Variants in XPR1 observed in about 807,000 individuals in gnomAD.
The protein encoded by XPR1 is xenotropic and polytropic retrovirus receptor 1.
Under a neutral mutation model 87.5 loss-of-function variants are expected in XPR1, and 28 were observed. The ratio of observed to expected loss-of-function variants is 0.32; its 90% CI spans 0.24 to 0.44. XPR1 has a LOEUF of 0.44. Among genes scored for constraint, XPR1 ranks in the 20% least tolerant of loss-of-function variants. The pLI is 1.00. For synonymous variants in XPR1, 300 were observed against 306.1 expected (o/e 0.98, Z 0.21); for missense variants, 559 against 862.3 (o/e 0.65, Z 4.41).
chr1:180,689,298 G>T (rs1277526680), intron 2 of XPR1, among the ~76,000 whole-genome samples: 1 of 152,052 alleles, frequency 6.6e-6, no homozygotes, highest in East Asian at 1.9e-4. Flanking sequence ...TTTAAAAAAT[G>T]ACTTTGCATT....
chr1:180,639,850 G>A, intron 1 of XPR1, among the ~76,000 whole-genome samples: 1 of 152,154 alleles, frequency 6.6e-6, no homozygotes, highest in Non-Finnish European at 1.5e-5. Flanking sequence ...GAGGATAAAG[G>A]AGTTCCCTGG....
rs374607880 is a variant in XPR1 at position 180,741,575 on chromosome 1, T to C, written c.122-46178T>C. On this transcript the variant is annotated intron_variant, in intron 2 of 14. Coordinates refer to ENST00000367590, the MANE Select transcript of XPR1 (RefSeq NM_004736.4). ...ATCTTGACTCACTGCAACCTCCGCC[T>C]CCTGGGTTCAAGTGATTCTCCTGCC... 1.1e-4 allele frequency among the ~76,000 whole-genome samples: 16 copies of C among 152,216 alleles called. No individual in the cohort carries two copies. The East Asian group carries it at 2.5e-3, about 24-fold the overall frequency.
At chr1:180,704,563 T>C (rs565511773) in intron 2 of XPR1, among the ~76,000 whole-genome samples, 3 of 151,528 alleles carry the variant, frequency 2.0e-5, no homozygotes, top group Admixed American at 1.3e-4. Context: ...ATTTTAAGTG[T>C]CTTATTCAAT....
chr1:180,779,341 C>T (rs1648849536), intron 2 of XPR1, among the ~76,000 whole-genome samples: 1 of 152,180 alleles, frequency 6.6e-6, no homozygotes, highest in African/African-American at 2.4e-5. Flanking sequence ...CTACATTTAT[C>T]TCATTCATCA....
At chr1:180,877,740 CT>C (rs1439448133) in intron 13 of XPR1, among the ~76,000 whole-genome samples, 1 of 150,844 alleles carries the variant, frequency 6.6e-6, no homozygotes, top group African/African-American at 2.4e-5. Context: ...AAATGCTTAT[CT>C]TAAAAAAAAA....
At chr1:180,818,179 ATAT>A (rs1558023266) in intron 7 of XPR1, among the ~76,000 whole-genome samples, 5 of 152,184 alleles carry the variant, frequency 3.3e-5, no homozygotes, top group African/African-American at 1.2e-4. Context: ...GAGGCTTCTC[ATAT>A]TCTTTATAAT....
At chr1:180,704,241 G>A (rs1472904967) in intron 2 of XPR1, among the ~76,000 whole-genome samples, 1 of 28,222 alleles carries the variant, frequency 3.5e-5, no homozygotes, top group Non-Finnish European at 7.3e-5. Flanking sequence ...CACTATAGGT[G>A]CTGGATATAT....
intron 3 of XPR1, among the ~76,000 whole-genome samples, chr1:180,788,102 G>A (rs183563315): frequency 1.5e-4 from 23 of 152,244 alleles, no homozygotes; most frequent in African/African-American, 3.4e-4. Flanking sequence ...GCAATACCTC[G>A]GTAGAGCTTC....
chr1:180,803,593 C>T lies in XPR1; in HGVS notation c.429C>T (p.Ile143=). Reference sequence around the variant, plus strand: ...TCAGTGAGTTCTACCTCAGTCTAATCCTGCTGCAGAACTATCAGGTACTTA... The same window carrying T: ...TCAGTGAGTTCTACCTCAGTCTAATTCTGCTGCAGAACTATCAGGTACTTA... The part of the protein sequence containing the change: ...LAFSEFYLSL[I]LLQNYQNLNF... The change falls in exon 4 of 15, where the codon ATC becomes ATT. Residue 143 remains isoleucine, a synonymous_variant. Coordinates refer to ENST00000367590, the MANE Select transcript of XPR1 (RefSeq NM_004736.4). The T allele has an allele frequency of 6.2e-7, 1 of 1,612,438 alleles. No individual in the cohort carries two copies.
intron 11 of XPR1, among the ~76,000 whole-genome samples, chr1:180,843,428 G>A (rs548508174): frequency 1.8e-4 from 28 of 152,104 alleles, no homozygotes; most frequent in Non-Finnish European, 1.2e-4. Flanking sequence ...AACTAATAAT[G>A]CAGAAAATAA....
chr1:180,649,816 T>C (rs929787342), intron 1 of XPR1, among the ~76,000 whole-genome samples: 1 of 152,178 alleles, frequency 6.6e-6, no homozygotes, highest in African/African-American at 2.4e-5. Flanking sequence ...GGATATAGTA[T>C]AGCGAGGATG....
chr1:180,883,126 CTTTTTTT>C (rs10690260), intron 14 of XPR1, among the ~76,000 whole-genome samples: 1 of 87,218 alleles, frequency 1.1e-5, no homozygotes, highest in African/African-American at 4.6e-5. Context: ...TCATACCTGG[CTTTTTTT>C]TTTTTTTTTT....
chr1:180,636,976 G>A (rs184059063), intron 1 of XPR1, among the ~76,000 whole-genome samples: 5 of 150,912 alleles, frequency 3.3e-5, no homozygotes, highest in African/African-American at 9.7e-5. Context: ...CGATTGAACC[G>A]GGGAGGCGGA....
intron 7 of XPR1, among the ~76,000 whole-genome samples, chr1:180,818,005 GAA>G (rs60291519): frequency 7.0e-5 from 10 of 142,118 alleles, no homozygotes; most frequent in East Asian, 2.1e-4. Flanking sequence ...GGATATAAGT[GAA>G]AAAAAAAAAA....
chr1:180,743,464 T>C (rs2102025556), intron 2 of XPR1, among the ~76,000 whole-genome samples: 1 of 152,232 alleles, frequency 6.6e-6, no homozygotes, highest in Non-Finnish European at 1.5e-5. Context: ...GACATCCACA[T>C]ACATTGAAAA....
intron 13 of XPR1, among the ~76,000 whole-genome samples, chr1:180,879,120 C>T (rs906721324): frequency 9.2e-5 from 14 of 152,198 alleles, no homozygotes; most frequent in South Asian, 6.2e-4. Flanking sequence ...AACCCTAAGA[C>T]GACTCACATC....
At chr1:180,825,051 G>C in intron 8 of XPR1, 108 bp downstream of exon 8, 1 of 1,494,908 alleles carries the variant, frequency 6.7e-7, no homozygotes, top group African/African-American at 1.4e-5. Flanking sequence ...AGGATTATTA[G>C]CTTAATAACT....
intron 2 of XPR1, among the ~76,000 whole-genome samples, chr1:180,696,206 G>A (rs12116876): frequency 0.24 from 23,095 of 95,722 alleles, 2,381 homozygotes; most frequent in African/African-American, 0.32. Context: ...GTGTGTGTGT[G>A]TGTATATATA....
At chr1:180,715,352 G>A (rs940620427) in intron 2 of XPR1, among the ~76,000 whole-genome samples, 36 of 152,276 alleles carry the variant, frequency 2.4e-4, no homozygotes, top group Middle Eastern at 3.4e-3. Flanking sequence ...ATTTGTAAGT[G>A]GACAGACCAT....
Sources: gnomAD v4.1 joint callset for allele counts (sites outside exome capture counted in the v4.1 genomes callset) on GRCh38, gnomAD v4.1.1 for gene constraint, MANE v1.5 for transcripts, NCBI Gene and HGNC (gene_info 2026-07-23, HGNC 2026-07-21) for gene names.